The following ELF3 variants were observed in gnomAD, a reference collection of about 807,000 sequenced individuals.
ELF3 encodes ETS-related transcription factor Elf-3.
ELF3 carries 18 observed loss-of-function variants against 43.9 expected under a neutral mutation model. That is an observed-to-expected ratio of 0.41 (90% CI 0.28 to 0.61). The LOEUF is 0.61. ELF3 is among the 20% of genes least tolerant of loss of function. The probability of loss-of-function intolerance (pLI) is 0.30; values close to 1 mark genes in which losing one functional copy is unlikely to be tolerated. For missense variants in ELF3, 373 were observed against 487.7 expected (o/e 0.76, Z 2.21); for synonymous variants, 181 against 190.2 (o/e 0.95, Z 0.40).
chr1:202,015,302 G>C lies in ELF3; in HGVS notation c.1095G>C (p.Glu365Asp), dbSNP rs1177346797. The change falls in exon 9 of 9, where the codon GAG becomes GAC. Residue 365 changes from glutamate (E) to aspartate (D), a missense_variant. Physicochemically the swap from Glu to Asp is conservative, Grantham distance 45. Transcript: ENST00000367284. The part of the protein sequence containing the change: ...GKNSSGWKEE[E>D]VLQSRN ...ACTCAAGCGGCTGGAAGGAGGAAGAGGTTCTCCAGAGTCGGAACTGAGGGT... is the reference window on the plus strand; with the variant it reads ...ACTCAAGCGGCTGGAAGGAGGAAGACGTTCTCCAGAGTCGGAACTGAGGGT... 2 of 1,614,006 alleles carry C rather than the reference G, an allele frequency of 1.2e-6. No individual in the cohort carries two copies. Among genetic ancestry groups the C allele is most frequent in the Admixed American group, 1.7e-5 (1 of 60,002 alleles).
At position 202,010,786 on chromosome 1, in the gene ELF3, C is replaced by G. The variant is rs1238740877; in HGVS notation, c.-9+80C>G. 8.7e-6 allele frequency: 2 copies of G among 230,964 alleles called. No individual in the cohort carries two copies. Among genetic ancestry groups the G allele is most frequent in the African/African-American group, 4.7e-5 (2 of 42,826 alleles). The allele number at this position is 230,964 out of a possible 1,614,324, so 14.3% of individuals were successfully genotyped here. ...GTCCAGAGGATTTGCAGTTCTGAAC[C>G]TGCACACTCCAGTCTAGGATCTCCG... On this transcript the variant is annotated intron_variant, in intron 1 of 8. Transcript: ENST00000367284. The surrounding 1 kb of genome is among the most constrained non-coding windows in gnomAD (Gnocchi z 4.3).
Position 202,015,415 on chromosome 1 carries a change from T to A in ELF3, c.*92T>A. On this transcript the variant is annotated 3_prime_UTR_variant, in exon 9 of 9. Coordinates refer to ENST00000367284, the MANE Select transcript of ELF3 (RefSeq NM_004433.5). Reference sequence around the variant, plus strand: ...CAGGCAGGCCAGATGGCCCCTCCACTGGGGAATGCTCCCAGCTGTGCTGTG... The same window carrying A: ...CAGGCAGGCCAGATGGCCCCTCCACAGGGGAATGCTCCCAGCTGTGCTGTG... 1 of 1,196,268 alleles carries A rather than the reference T, an allele frequency of 8.4e-7. No homozygotes were observed. Among genetic ancestry groups the A allele is most frequent in the Non-Finnish European group, 1.2e-6 (1 of 825,688 alleles). 74.1% of individuals were successfully genotyped at this position (1,196,268 alleles called of 1,614,324 possible).
rs1216687549 is a variant in ELF3 at position 202,013,001 on chromosome 1, A to T, written c.653A>T (p.Asp218Val). Residue 218 changes from aspartate (D) to valine (V), a missense_variant, in exon 6 of 9, where the codon GAC (aspartate) becomes GTC (valine). Physicochemically the swap from Asp to Val is radical, Grantham distance 152. This residue lies in a region of ELF3 where 311 missense variants were observed against 351.2 expected (regional missense o/e 0.89). Transcript: ENST00000367284. The surrounding 1 kb of genome is among the most constrained non-coding windows in gnomAD (Gnocchi z 5.7). ...TCAGACTCCGGTGGAAGTGACGTGG[A>T]CCTGGATCCCACTGATGGCAAGCTC... ...HSSDSGGSDVDLDPTDGKLFP... is the reference protein window; with the variant it reads ...HSSDSGGSDVVLDPTDGKLFP... 11 of 1,613,644 alleles carry T rather than the reference A, an allele frequency of 6.8e-6. No homozygotes were observed. The highest frequency in any genetic ancestry group is 9.3e-6 in the Non-Finnish European group (11 of 1,179,848).
chr1:202,011,303 G>T lies in ELF3; in HGVS notation c.163+4G>T, dbSNP rs1684188634. 1.3e-6 allele frequency: 2 copies of T among 1,560,288 alleles called. No individual in the cohort carries two copies. Among genetic ancestry groups the T allele is most frequent in the Non-Finnish European group, 1.7e-6 (2 of 1,151,642 alleles). ...CAGATGTCATTGGAGGGTACAGGTGGGTCTCAGCGGGGTGGGATGGGGCAC... is the reference window on the plus strand; with the variant it reads ...CAGATGTCATTGGAGGGTACAGGTGTGTCTCAGCGGGGTGGGATGGGGCAC... On this transcript the variant is annotated splice_donor_region_variant and intron_variant, in intron 2 of 8. Coordinates refer to ENST00000367284, the MANE Select transcript of ELF3 (RefSeq NM_004433.5).
chr1:202,016,880 C>A lies in ELF3; in HGVS notation c.*1557C>A, dbSNP rs1409349094. 1.3e-5 allele frequency: 2 copies of A among 152,206 alleles called. No homozygotes were observed. Among genetic ancestry groups the A allele is most frequent in the African/African-American group, 2.4e-5 (1 of 41,452 alleles). The allele number at this position is 152,206 out of a possible 1,614,324, so 9.4% of individuals were successfully genotyped here. A position where few individuals can be genotyped will look rare whatever the true frequency, so the allele number is the denominator to read the frequency against. On this transcript the variant is annotated 3_prime_UTR_variant, in exon 9 of 9. Coordinates refer to ENST00000367284, the MANE Select transcript of ELF3 (RefSeq NM_004433.5). ...GAGGTTCCACAGGTGTGCCTTGATT[C>A]TGTCCTAAAACCGTTTCCCGGAAGC...
rs370092232 is a variant in ELF3 at position 202,015,354 on chromosome 1, C to A, written c.*31C>A. 7 of 1,608,850 alleles carry A rather than the reference C, an allele frequency of 4.4e-6. No homozygotes were observed. In the African/African-American group the frequency reaches 9.4e-5, roughly 21 times the overall value. ...GGAACTATACCCGGGACCAAACTCA[C>A]GGACCACTCGAGGCCTGCAAACCTT... On this transcript the variant is annotated 3_prime_UTR_variant, in exon 9 of 9. Coordinates refer to ENST00000367284, the MANE Select transcript of ELF3 (RefSeq NM_004433.5).
chr1:202,012,069 C>A lies in ELF3; in HGVS notation c.276C>A (p.Phe92Leu), dbSNP rs1684209338. 1 of 1,614,214 alleles carries A rather than the reference C, an allele frequency of 6.2e-7. No homozygotes were observed. The highest frequency in any genetic ancestry group is 1.3e-5 in the African/African-American group (1 of 75,066). The change falls in exon 3 of 9, where the codon TTC becomes TTA. Residue 92 changes from phenylalanine (F) to leucine (L), a missense_variant. By Grantham distance (22) the Phe-to-Leu change is conservative. Coordinates refer to ENST00000367284, the MANE Select transcript of ELF3 (RefSeq NM_004433.5). The surrounding 1 kb of genome is among the most constrained non-coding windows in gnomAD (Gnocchi z 4.2). ...KNKYDASAIDFSRCDMDGATL... is the reference protein window; with the variant it reads ...KNKYDASAIDLSRCDMDGATL... ...AGTACGACGCAAGCGCCATTGACTT[C>A]TCACGATGTGACATGGATGGCGCCA...
rs1179609411 is a variant in ELF3, at chr1:202,015,660, A to T, written c.*337A>T. The stretch of plus-strand genomic sequence containing the variant: ...TCCTGCAGACACCTGGACTGAGCCA[A>T]GGAGGCCTGGGGAGGCCCTAGGGGA... On this transcript the variant is annotated 3_prime_UTR_variant, in exon 9 of 9. Coordinates refer to ENST00000367284, the MANE Select transcript of ELF3 (RefSeq NM_004433.5). The T allele has an allele frequency of 1.0e-5, 3 of 300,610 alleles. No individual in the cohort carries two copies. Among genetic ancestry groups the T allele is most frequent in the Non-Finnish European group, 1.9e-5 (3 of 154,076 alleles). The allele number at this position is 300,610 out of a possible 1,614,324, so 18.6% of individuals were successfully genotyped here.
At position 202,014,092 on chromosome 1, in the gene ELF3, C is replaced by A. The variant is rs1571662591; in HGVS notation, c.1001+68C>A. The A allele has an allele frequency of 2.0e-6, 3 of 1,496,052 alleles. No individual in the cohort carries two copies. In the East Asian group the frequency reaches 7.2e-5, roughly 36 times the overall value. The allele number at this position is 1,496,052 out of a possible 1,614,324, so 92.7% of individuals were successfully genotyped here. On this transcript the variant is annotated intron_variant, in intron 8 of 8. Coordinates refer to ENST00000367284, the MANE Select transcript of ELF3 (RefSeq NM_004433.5). ...GGACAGGCGCTCACACTCCCACCGC[C>A]CTCTTTCTGGCTGCCACTTGGCTTC...
chr1:202,016,763 C>T lies in ELF3; in HGVS notation c.*1440C>T, dbSNP rs1483465908. 6.6e-6 allele frequency: 1 copy of T among 152,132 alleles called. No individual in the cohort carries two copies. The highest frequency in any genetic ancestry group is 1.5e-5 in the Non-Finnish European group (1 of 68,038). 9.4% of individuals were successfully genotyped at this position (152,132 alleles called of 1,614,324 possible). Reference sequence around the variant, plus strand: ...ATAGCACCCAGTGAAACTGTAGTCTCATGCCAGGCACTGTGCTAGCCCACT... The same window carrying T: ...ATAGCACCCAGTGAAACTGTAGTCTTATGCCAGGCACTGTGCTAGCCCACT... On this transcript the variant is annotated 3_prime_UTR_variant, in exon 9 of 9. Coordinates refer to ENST00000367284, the MANE Select transcript of ELF3 (RefSeq NM_004433.5).
At position 202,011,969 on chromosome 1, in the gene ELF3, G is replaced by T. The variant is rs757193571; in HGVS notation, c.176G>T (p.Trp59Leu). ...MSLEGTEKAS[W>L]LGEQPQFWSK... ...CTGGCCCTTGCAGAGAAGGCCAGCTGGTTGGGGGAACAGCCCCAGTTCTGG... is the reference window on the plus strand; with the variant it reads ...CTGGCCCTTGCAGAGAAGGCCAGCTTGTTGGGGGAACAGCCCCAGTTCTGG... The change falls in exon 3 of 9, where the codon TGG becomes TTG. Residue 59 changes from tryptophan (W) to leucine (L), a missense_variant. Coordinates refer to ENST00000367284, the MANE Select transcript of ELF3 (RefSeq NM_004433.5). 2.5e-6 allele frequency: 4 copies of T among 1,613,896 alleles called. No individual in the cohort carries two copies. The highest frequency in any genetic ancestry group is 3.4e-6 in the Non-Finnish European group (4 of 1,180,034).
rs1684293507 is a variant in ELF3 at position 202,015,518 on chromosome 1, C to T, written c.*195C>T. 1 of 590,770 alleles carries T rather than the reference C, an allele frequency of 1.7e-6. No individual in the cohort carries two copies. Among genetic ancestry groups the T allele is most frequent in the Non-Finnish European group, 3.0e-6 (1 of 333,422 alleles). 36.6% of individuals were successfully genotyped at this position (590,770 alleles called of 1,614,324 possible). ...ACTATGGCCTCGCCTCCCCACCCTC[C>T]TCTTGGAATTACAAGCCCTGGGGTT... On this transcript the variant is annotated 3_prime_UTR_variant, in exon 9 of 9. Coordinates refer to ENST00000367284, the MANE Select transcript of ELF3 (RefSeq NM_004433.5).
chr1:202,012,745 A>T lies in ELF3; in HGVS notation c.584A>T (p.Asp195Val). The T allele has an allele frequency of 6.4e-7, 1 of 1,573,686 alleles. No homozygotes were observed. Among genetic ancestry groups the T allele is most frequent in the Non-Finnish European group, 8.6e-7 (1 of 1,161,684 alleles). The change falls in exon 5 of 9, where the codon GAC (aspartate) becomes GTC (valine). Residue 195 changes from aspartate to valine, a missense_variant. Asp to Val is a radical substitution (Grantham distance 152, BLOSUM62 -3). Around this residue, in one of 3 missense-constraint regions of ELF3, gnomAD observed 311 missense variants for 351.2 expected, o/e 0.89. Transcript: ENST00000367284. The surrounding 1 kb of genome is among the most constrained non-coding windows in gnomAD (Gnocchi z 4.2). ...GGAGCCCCCTCCCCTGGCAGCTCTG[A>T]CGTCTCCACCGCAGGTGAGAGCTCT... ...GAGAPSPGSS[D>V]VSTAGTGASR...
In ELF3 at chr1:202,013,164, C is replaced by A; in HGVS notation, c.689-18C>A. ...TCCCCTCTTGCCCCTCCTTGACCTT[C>A]CACCACCGTCCCCACAGATGGTTTT... is the stretch of plus-strand genomic sequence containing the variant. On this transcript the variant is annotated intron_variant, in intron 6 of 8. Transcript: ENST00000367284. The surrounding 1 kb of genome is among the most constrained non-coding windows in gnomAD (Gnocchi z 5.7). 6.2e-7 allele frequency: 1 copy of A among 1,613,350 alleles called. No individual in the cohort carries two copies. Among genetic ancestry groups the A allele is most frequent in the Non-Finnish European group, 8.5e-7 (1 of 1,179,542 alleles).
chr1:202,012,499 A>G lies in ELF3; in HGVS notation c.478+63A>G. On this transcript the variant is annotated intron_variant, in intron 4 of 8. Coordinates refer to ENST00000367284, the MANE Select transcript of ELF3 (RefSeq NM_004433.5). The surrounding 1 kb of genome is among the most constrained non-coding windows in gnomAD (Gnocchi z 4.2). ...TTGTCCCATCCCTGCCCCTCCACAG[A>G]GTGCTAGAGATGACCCCCTCCCCAG... 6.3e-7 allele frequency: 1 copy of G among 1,578,488 alleles called. No individual in the cohort carries two copies. Among genetic ancestry groups the G allele is most frequent in the Non-Finnish European group, 8.6e-7 (1 of 1,163,206 alleles).
chr1:202,015,155 G>T, intron 8 of ELF3, 54 bp from the exon 9 acceptor site: 1 of 1,596,588 alleles, frequency 6.3e-7, no homozygotes. Flanking sequence ...CGGGCTGGCA[G>T]CCTGGGGCCC....
chr1:202,015,026 A>T (rs893224617), intron 8 of ELF3, 183 bp from the exon 9 acceptor site: 2 of 582,596 alleles, frequency 3.4e-6, no homozygotes, highest in Admixed American at 5.6e-5. Context: ...GTGTAGGGAA[A>T]GAGCTTCTGC....
Position 202,015,353 on chromosome 1 carries a change from A to C in ELF3, c.*30A>C. On this transcript the variant is annotated 3_prime_UTR_variant, in exon 9 of 9. Transcript: ENST00000367284. ...TGGAACTATACCCGGGACCAAACTCACGGACCACTCGAGGCCTGCAAACCT... is the reference window on the plus strand; with the variant it reads ...TGGAACTATACCCGGGACCAAACTCCCGGACCACTCGAGGCCTGCAAACCT... 767 of 1,603,478 alleles carry C rather than the reference A, an allele frequency of 4.8e-4. No individual in the cohort carries two copies. Among genetic ancestry groups the C allele is most frequent in the Non-Finnish European group, 6.0e-4 (698 of 1,171,356 alleles).
chr1:202,013,711 T>C lies in ELF3; in HGVS notation c.806-118T>C. ...CGCACAGAGGGCACTGCGGGGTCTC[T>C]GGAGAGGCTTGCTGCATGCTGTGGC... On this transcript the variant is annotated intron_variant, in intron 7 of 8. Coordinates refer to ENST00000367284, the MANE Select transcript of ELF3 (RefSeq NM_004433.5). The surrounding 1 kb of genome is among the most constrained non-coding windows in gnomAD (Gnocchi z 5.7). The C allele has an allele frequency of 8.5e-7, 1 of 1,170,676 alleles. No individual in the cohort carries two copies. Among genetic ancestry groups the C allele is most frequent in the South Asian group, 1.6e-5 (1 of 63,810 alleles). 72.5% of individuals were successfully genotyped at this position (1,170,676 alleles called of 1,614,324 possible).
Sources: gnomAD v4.1 joint callset for allele counts on GRCh38, gnomAD v4.1.1 for gene constraint, gnomAD v4.1.1 regional missense constraint, Gnocchi (gnomAD v3.1) non-coding constraint, MANE v1.5 for transcripts, NCBI Gene and HGNC (gene_info 2026-07-23, HGNC 2026-07-21) for gene names.